KCNMB2: variants seen among roughly 807,000 people sequenced by gnomAD.
The protein encoded by KCNMB2 is potassium calcium-activated channel subfamily M regulatory beta subunit 2, also known as calcium-activated potassium channel subunit beta-2.
Under a neutral mutation model 24.5 loss-of-function variants are expected in KCNMB2, and 9 were observed. That is an observed-to-expected ratio of 0.37 (90% CI 0.22 to 0.64). KCNMB2 has a LOEUF of 0.64. Ranked by LOEUF, KCNMB2 falls within the 30% of genes least tolerant of loss-of-function variation. KCNMB2 has a pLI of 0.63. For synonymous variants in KCNMB2, 109 were observed against 104.4 expected (o/e 1.04, Z -0.27); for missense variants, 226 against 284.3 (o/e 0.79, Z 1.47).
chr3:178,791,690 CA>C (rs1408969760), intron 1 of KCNMB2, among the ~76,000 whole-genome samples: 2 of 151,964 alleles, frequency 1.3e-5, no homozygotes, highest in Non-Finnish European at 2.9e-5. Flanking sequence ...ATTTAACAAT[CA>C]AACTTCCAAA....
chr3:178,686,257 T>C (rs1348610317), intron 1 of KCNMB2, among the ~76,000 whole-genome samples: 2 of 152,194 alleles, frequency 1.3e-5, no homozygotes, highest in Admixed American at 1.3e-4. Flanking sequence ...CTACGTGGCA[T>C]GGGAGACTTC....
chr3:178,617,576 A>G (rs1489919966), intron 1 of KCNMB2, among the ~76,000 whole-genome samples: 1 of 151,196 alleles, frequency 6.6e-6, no homozygotes, highest in African/African-American at 2.4e-5. Flanking sequence ...AGGTGAAAGT[A>G]TCAAAATAAC....
chr3:178,755,628 A>C (rs1426540821), intron 1 of KCNMB2, among the ~76,000 whole-genome samples: 1 of 152,214 alleles, frequency 6.6e-6, no homozygotes, highest in East Asian at 1.9e-4. Flanking sequence ...CAATGAGATT[A>C]TGTGGATGGC....
chr3:178,666,233 A>G (rs1363106928), intron 1 of KCNMB2, among the ~76,000 whole-genome samples: 1 of 152,174 alleles, frequency 6.6e-6, no homozygotes, highest in African/African-American at 2.4e-5. Flanking sequence ...TACATTTGCA[A>G]GAGGGTCATG....
chr3:178,571,707 C>T lies in KCNMB2; in HGVS notation c.-68+34996C>T, dbSNP rs1196996908. On this transcript the variant is annotated intron_variant, in intron 1 of 4. Transcript: ENST00000452583. ...TTGCCCCCAAACCCCTGACAGGCCC[C>T]GGTGTGTGATGTTGCCCTCCCTGTG... Among the ~76,000 whole-genome samples, 3 of 151,672 alleles carry T rather than the reference C, an allele frequency of 2.0e-5. 1 individual carries two copies. The highest frequency in any genetic ancestry group is 6.6e-5 in the Admixed American group (1 of 15,208).
intron 1 of KCNMB2, among the ~76,000 whole-genome samples, chr3:178,578,073 T>C (rs1312074239): frequency 1.3e-5 from 2 of 152,050 alleles, no homozygotes; most frequent in East Asian, 3.9e-4. Context: ...AGACACGTAA[T>C]TGTCAGATTC....
intron 1 of KCNMB2, among the ~76,000 whole-genome samples, chr3:178,749,955 A>G (rs1202717633): frequency 1.3e-5 from 2 of 152,204 alleles, no homozygotes; most frequent in Non-Finnish European, 2.9e-5. Flanking sequence ...AAGATTGAAG[A>G]CAGAGGCTCT....
chr3:178,675,490 G>A (rs1488070027), intron 1 of KCNMB2, among the ~76,000 whole-genome samples: 4 of 152,130 alleles, frequency 2.6e-5, no homozygotes, highest in East Asian at 3.9e-4. Context: ...ACACCTGCTC[G>A]GGGTGGACTC....
At chr3:178,635,166 T>C (rs1304330802) in intron 1 of KCNMB2, among the ~76,000 whole-genome samples, 1 of 152,116 alleles carries the variant, frequency 6.6e-6, no homozygotes, top group Admixed American at 6.6e-5. Flanking sequence ...AAAGATTTTA[T>C]TGCACTCAAC....
At chr3:178,616,400 CT>C (rs1326588646) in intron 1 of KCNMB2, among the ~76,000 whole-genome samples, 1 of 152,110 alleles carries the variant, frequency 6.6e-6, no homozygotes, top group East Asian at 1.9e-4. Flanking sequence ...ACACTCCCTC[CT>C]TGGGTGGGTG....
chr3:178,570,823 G>C (rs1426672817), intron 1 of KCNMB2, among the ~76,000 whole-genome samples: 4 of 152,136 alleles, frequency 2.6e-5, no homozygotes, highest in African/African-American at 9.7e-5. Flanking sequence ...CTGGTAAGAA[G>C]AAAAGGAGCT....
intron 1 of KCNMB2, among the ~76,000 whole-genome samples, chr3:178,557,477 T>A (rs1716164777): frequency 6.6e-6 from 1 of 152,202 alleles, no homozygotes; most frequent in Non-Finnish European, 1.5e-5. Flanking sequence ...AAAGTAAGAC[T>A]GGGCCATTAA....
At chr3:178,720,869 T>C (rs1722781642) in intron 1 of KCNMB2, among the ~76,000 whole-genome samples, 2 of 151,832 alleles carry the variant, frequency 1.3e-5, no homozygotes, top group Admixed American at 1.3e-4. Flanking sequence ...TCATTGTAGA[T>C]TCTGGATATT....
intron 1 of KCNMB2, among the ~76,000 whole-genome samples, chr3:178,779,101 C>A (rs1041261197): frequency 6.6e-6 from 1 of 152,138 alleles, no homozygotes; most frequent in East Asian, 1.9e-4. Flanking sequence ...CTCCCAGACC[C>A]AAGTCTGGAT....
At chr3:178,791,199 G>A (rs1314763715) in intron 1 of KCNMB2, among the ~76,000 whole-genome samples, 1 of 152,210 alleles carries the variant, frequency 6.6e-6, no homozygotes, top group East Asian at 1.9e-4. Flanking sequence ...CAGCATAGCT[G>A]TTTTAAGGAA....
intron 1 of KCNMB2, among the ~76,000 whole-genome samples, chr3:178,649,814 G>C (rs892593889): frequency 2.4e-4 from 25 of 105,424 alleles, no homozygotes; most frequent in African/African-American, 1.1e-3. Flanking sequence ...AAAAAAAACA[G>C]CTCCTGGATT....
chr3:178,793,784 T>C lies in KCNMB2; in HGVS notation c.-67-13559T>C, dbSNP rs151139540. On this transcript the variant is annotated intron_variant, in intron 1 of 4. Coordinates refer to ENST00000452583, the MANE Select transcript of KCNMB2 (RefSeq NM_181361.3). ...ATCTCTGAACACCAGCAGGTGACTC[T>C]TCCCATGCAGATGACAGCCAAGGAG... Among the ~76,000 whole-genome samples, 152 of 152,224 alleles carry C rather than the reference T, an allele frequency of 1.0e-3. 3 individuals carry two copies. Among genetic ancestry groups the C allele is most frequent in the African/African-American group, 3.6e-3 (148 of 41,526 alleles).
intron 1 of KCNMB2, among the ~76,000 whole-genome samples, chr3:178,627,232 C>A (rs750060634): frequency 4.6e-5 from 7 of 152,130 alleles, no homozygotes; most frequent in Non-Finnish European, 8.8e-5. Flanking sequence ...ATTGGCCTTA[C>A]ATTTTGGTTA....
chr3:178,689,685 C>CACCCAAAT (rs1314919389), intron 1 of KCNMB2, among the ~76,000 whole-genome samples: 2 of 152,152 alleles, frequency 1.3e-5, no homozygotes, highest in Non-Finnish European at 2.9e-5. Context: ...TCTGATTTAA[C>CACCCAAAT]ACCCAAATAC....
Sources: allele counts gnomAD v4.1 joint callset (sites outside exome capture counted in the v4.1 genomes callset), GRCh38; gene constraint gnomAD v4.1.1; transcripts MANE v1.5; gene names NCBI Gene and HGNC (gene_info 2026-07-23, HGNC 2026-07-21).